SLC49A4: variants seen among roughly 807,000 people sequenced by gnomAD.
The protein encoded by SLC49A4 is disrupted in renal cancer protein 2.
In SLC49A4, 36 loss-of-function variants were observed where a neutral mutation model predicts 50.6. The observed-to-expected ratio is 0.71, with a 90% CI of 0.55 to 0.94. The LOEUF is 0.94. Ranked by LOEUF, SLC49A4 falls within the 40% of genes least tolerant of loss-of-function variation. SLC49A4 has a pLI of 0.00. For missense variants in SLC49A4, 503 were observed against 605.7 expected (o/e 0.83, Z 1.78); for synonymous variants, 248 against 241.2 (o/e 1.03, Z -0.26).
At chr3:122,863,942 G>A (rs1937085496) in intron 7 of SLC49A4, among the ~76,000 whole-genome samples, 1 of 152,038 alleles carries the variant, frequency 6.6e-6, no homozygotes, top group Non-Finnish European at 1.5e-5. Context: ...AGACTGGAGT[G>A]CAGTGGTGCA....
chr3:122,807,433 G>C (rs1199619842), intron 2 of SLC49A4, among the ~76,000 whole-genome samples: 1 of 152,086 alleles, frequency 6.6e-6, no homozygotes, highest in Non-Finnish European at 1.5e-5. Context: ...AAGCCATGGA[G>C]GCAGGTAAGC....
At chr3:122,795,689 C>T (rs1421024429) in intron 1 of SLC49A4, among the ~76,000 whole-genome samples, 154 bp downstream of exon 1, 1 of 152,230 alleles carries the variant, frequency 6.6e-6, no homozygotes, top group Non-Finnish European at 1.5e-5. Flanking sequence ...GACTTAGGAA[C>T]CCTCCGTCCC....
chr3:122,847,014 T>C (rs1040609761), intron 5 of SLC49A4, among the ~76,000 whole-genome samples: 1 of 152,156 alleles, frequency 6.6e-6, no homozygotes, highest in Admixed American at 6.5e-5. Flanking sequence ...AGAACAAAGA[T>C]AGAAGACGTC....
intron 5 of SLC49A4, among the ~76,000 whole-genome samples, chr3:122,850,962 C>T (rs934175920): frequency 6.6e-6 from 1 of 152,074 alleles, no homozygotes; most frequent in Non-Finnish European, 1.5e-5. Context: ...TTAATTTCCC[C>T]CCACTCTATT....
intron 1 of SLC49A4, among the ~76,000 whole-genome samples, chr3:122,802,887 C>T (rs374506528): frequency 1.3e-5 from 2 of 151,842 alleles, no homozygotes; most frequent in East Asian, 3.9e-4. Flanking sequence ...AGACTAAAAC[C>T]GATCAAACAA....
intron 2 of SLC49A4, among the ~76,000 whole-genome samples, chr3:122,820,904 T>C (rs1307521988): frequency 6.6e-6 from 1 of 152,232 alleles, no homozygotes; most frequent in Non-Finnish European, 1.5e-5. Flanking sequence ...CCCTCTGATA[T>C]GGTTTGGCTG....
At chr3:122,797,597 T>C (rs931638317) in intron 1 of SLC49A4, among the ~76,000 whole-genome samples, 1 of 152,218 alleles carries the variant, frequency 6.6e-6, no homozygotes, top group East Asian at 1.9e-4. Flanking sequence ...TTGCAGAGGA[T>C]GTGTGCTAGA....
intron 7 of SLC49A4, among the ~76,000 whole-genome samples, chr3:122,862,562 A>T (rs1937070422): frequency 6.6e-6 from 1 of 152,248 alleles, no homozygotes; most frequent in Admixed American, 6.5e-5. Flanking sequence ...TTCATAATTT[A>T]GCAGTTGTAC....
rs954802469 is a variant in SLC49A4, at chr3:122,863,969, A to G, written c.1138+3767A>G. On this transcript the variant is annotated intron_variant, in intron 7 of 8. Transcript: ENST00000261038. ...AGTGGTGCAATTTCAGCTCACTGCAACTTCCATTTCCCAGGTTCAAGTGAT... is the reference window on the plus strand; with the variant it reads ...AGTGGTGCAATTTCAGCTCACTGCAGCTTCCATTTCCCAGGTTCAAGTGAT... Among the ~76,000 whole-genome samples the G allele has an allele frequency of 2.0e-5, 3 of 152,102 alleles. No individual in the cohort carries two copies. In the South Asian group the frequency reaches 6.2e-4, roughly 32 times the overall value.
At chr3:122,817,747 A>ATTTTTTTTTTTTTTTT (rs77819385) in intron 2 of SLC49A4, among the ~76,000 whole-genome samples, 1 of 71,864 alleles carries the variant, frequency 1.4e-5, no homozygotes, top group Non-Finnish European at 2.5e-5. Flanking sequence ...CACCCAGCTA[A>ATTTTTTTTTTTTTTTT]TTTTTTTTTT....
At chr3:122,838,649 A>T (rs1036172982) in intron 4 of SLC49A4, among the ~76,000 whole-genome samples, 37 of 152,212 alleles carry the variant, frequency 2.4e-4, no homozygotes, top group African/African-American at 7.9e-4. Flanking sequence ...TGGCACATGT[A>T]TACATATGTA....
At chr3:122,796,387 C>T (rs551627552) in intron 1 of SLC49A4, among the ~76,000 whole-genome samples, 1 of 152,284 alleles carries the variant, frequency 6.6e-6, no homozygotes, top group African/African-American at 2.4e-5. Flanking sequence ...GCAATGAGTT[C>T]TTTAGTCAGA....
intron 2 of SLC49A4, among the ~76,000 whole-genome samples, chr3:122,807,462 G>A (rs75722326): frequency 0.05 from 7,659 of 152,134 alleles, 263 homozygotes; most frequent in Middle Eastern, 0.11. Context: ...TTTCTGGGGT[G>A]GATAGGTAGT....
intron 7 of SLC49A4, 62 bp from the exon 8 acceptor site, chr3:122,872,353 A>T: frequency 1.5e-6 from 2 of 1,371,330 alleles, no homozygotes; most frequent in Non-Finnish European, 2.0e-6. Context: ...CACCCCGAAG[A>T]TCTATCTGAT....
At chr3:122,877,168 C>G (rs1370820012) in intron 8 of SLC49A4, among the ~76,000 whole-genome samples, 2 of 152,182 alleles carry the variant, frequency 1.3e-5, no homozygotes, top group African/African-American at 4.8e-5. Flanking sequence ...GATTTTTAAG[C>G]AAGTCATTTC....
At chr3:122,804,861 A>G (rs1338054344) in intron 1 of SLC49A4, among the ~76,000 whole-genome samples, 1 of 152,250 alleles carries the variant, frequency 6.6e-6, no homozygotes, top group Admixed American at 6.5e-5. Context: ...ATTGTTAAAT[A>G]TTTGATAAAA....
intron 8 of SLC49A4, among the ~76,000 whole-genome samples, chr3:122,873,466 C>T (rs538307411): frequency 3.2e-4 from 49 of 152,264 alleles, no homozygotes; most frequent in Admixed American, 1.4e-3. Context: ...AGGCATGAGC[C>T]GCTGTGCCTG....
At chr3:122,814,909 C>A (rs918433724) in intron 2 of SLC49A4, among the ~76,000 whole-genome samples, 15 of 152,064 alleles carry the variant, frequency 9.9e-5, no homozygotes, top group Middle Eastern at 3.2e-3. Flanking sequence ...TTGGACACCC[C>A]TGGTCTAAAC....
chr3:122,848,914 TTCTA>T (rs1333820631), intron 5 of SLC49A4, among the ~76,000 whole-genome samples: 6 of 152,182 alleles, frequency 3.9e-5, no homozygotes, highest in African/African-American at 1.2e-4. Context: ...AACTCACTCT[TTCTA>T]TCTAACTGTA....
Sources: allele counts gnomAD v4.1 joint callset (sites outside exome capture counted in the v4.1 genomes callset), GRCh38; gene constraint gnomAD v4.1.1; transcripts MANE v1.5; gene names NCBI Gene and HGNC (gene_info 2026-07-23, HGNC 2026-07-21).